Variants in FAAH2 observed in about 807,000 individuals in gnomAD.
FAAH2 encodes fatty-acid amide hydrolase 2.
FAAH2 carries 60 observed loss-of-function variants against 36.9 expected under a neutral mutation model. The observed-to-expected ratio is 1.63, with a 90% confidence interval of 1.32 to 2.02. The LOEUF is 2.02. Ranked by LOEUF, FAAH2 falls within the 30% of genes most tolerant of loss-of-function variation. The pLI is 0.00. For synonymous variants in FAAH2, 214 were observed against 143.8 expected (o/e 1.49, Z -3.49); for missense variants, 689 against 397.5 (o/e 1.73, Z -6.23).
At chrX:57,385,905 TAA>T (rs34589565) in intron 7 of FAAH2, among the ~76,000 whole-genome samples, 3 of 95,813 alleles carry the variant, frequency 3.1e-5, no homozygotes, top group Admixed American at 1.2e-4. Flanking sequence ...GAGACTCCGT[TAA>T]AAAAAAAAAA....
chrX:57,162,241 G>A, the FAAH2 span, among the ~76,000 whole-genome samples: 533 of 112,026 alleles, frequency 4.8e-3, 4 homozygotes, highest in Middle Eastern at 9.2e-3. Flanking sequence ...CTGTTAGTCT[G>A]ATGGGCTTCC....
chrX:57,263,688 C>A, the FAAH2 span, among the ~76,000 whole-genome samples: 28 of 111,705 alleles, frequency 2.5e-4, no homozygotes, highest in African/African-American at 9.1e-4. Context: ...TCTATCATCA[C>A]ATTATACAAT....
chrX:57,213,698 T>C, the FAAH2 span, among the ~76,000 whole-genome samples: 1 of 112,114 alleles, frequency 8.9e-6, no homozygotes, highest in Non-Finnish European at 1.9e-5. Context: ...AGATACTTGG[T>C]ATGATTTTGG....
At chrX:57,258,342 A>G in the FAAH2 span, among the ~76,000 whole-genome samples, 1 of 111,826 alleles carries the variant, frequency 8.9e-6, no homozygotes, top group South Asian at 3.7e-4. Context: ...TAAATCTTAG[A>G]GAAGAAAATA....
the FAAH2 span, among the ~76,000 whole-genome samples, chrX:57,148,025 C>T: frequency 9.0e-6 from 1 of 111,453 alleles, no homozygotes; most frequent in South Asian, 3.8e-4. Context: ...ATAGAATGTA[C>T]ATTCTGCAGC....
chrX:57,334,433 G>T (rs1022088878), intron 4 of FAAH2, among the ~76,000 whole-genome samples: 1 of 110,045 alleles, frequency 9.1e-6, no homozygotes, highest in African/African-American at 3.3e-5. Context: ...TTTGTTACCA[G>T]TAGAGCAACA....
chrX:57,219,486 G>A, the FAAH2 span, among the ~76,000 whole-genome samples: 1 of 111,850 alleles, frequency 8.9e-6, no homozygotes, highest in Admixed American at 9.4e-5. Flanking sequence ...CTACTGGTAA[G>A]TTTCCCCAGA....
At chrX:57,481,979 G>C (rs1485842746) in intron 10 of FAAH2, among the ~76,000 whole-genome samples, 1 of 111,705 alleles carries the variant, frequency 9.0e-6, no homozygotes, top group Non-Finnish European at 1.9e-5. Flanking sequence ...TAGGGATTCA[G>C]TCTGGCCACA....
the FAAH2 span, among the ~76,000 whole-genome samples, chrX:57,204,064 A>G: frequency 1.8e-5 from 2 of 111,178 alleles, no homozygotes; most frequent in Non-Finnish European, 3.8e-5. Flanking sequence ...CATGGCACAC[A>G]GACTGAGAGG....
intron 5 of FAAH2, among the ~76,000 whole-genome samples, chrX:57,368,117 C>T (rs758004837): frequency 9.0e-6 from 1 of 110,841 alleles, no homozygotes; most frequent in East Asian, 2.9e-4. Flanking sequence ...AGGAGGTCTT[C>T]CATCTACCCC....
the FAAH2 span, among the ~76,000 whole-genome samples, chrX:57,207,436 T>C: frequency 8.9e-6 from 1 of 112,112 alleles, no homozygotes. Flanking sequence ...TTCTTGTATC[T>C]ACCAAACCTT....
chrX:57,230,667 C>G, the FAAH2 span, among the ~76,000 whole-genome samples: 1 of 111,455 alleles, frequency 9.0e-6, no homozygotes, highest in African/African-American at 3.3e-5. Flanking sequence ...TAAACCCATC[C>G]ACTTAATTTT....
the FAAH2 span, among the ~76,000 whole-genome samples, chrX:57,138,432 A>G: frequency 1.8e-5 from 2 of 110,511 alleles, no homozygotes; most frequent in African/African-American, 6.6e-5. Context: ...ATATATATAT[A>G]TATATCACAT....
chrX:57,282,643 T>G (rs2051764899), upstream of FAAH2, among the ~76,000 whole-genome samples: 1 of 112,226 alleles, frequency 8.9e-6, no homozygotes, highest in South Asian at 3.7e-4. Context: ...GATCTTTATT[T>G]GTAGCTTAGT....
chrX:57,309,605 G>T (rs1348552542), intron 2 of FAAH2, among the ~76,000 whole-genome samples: 1 of 111,250 alleles, frequency 9.0e-6, no homozygotes, highest in Non-Finnish European at 1.9e-5. Context: ...TTTATCTGAT[G>T]CTCTTTCCAC....
the FAAH2 span, among the ~76,000 whole-genome samples, chrX:57,170,813 T>C: frequency 9.1e-6 from 1 of 110,333 alleles, no homozygotes; most frequent in East Asian, 2.8e-4. Context: ...TAAGCAATTC[T>C]CCTGCCTCAA....
chrX:57,396,927 G>A (rs1283081152), intron 7 of FAAH2, among the ~76,000 whole-genome samples: 1 of 111,610 alleles, frequency 9.0e-6, no homozygotes, highest in Non-Finnish European at 1.9e-5. Context: ...TATTGTCAGT[G>A]AGTTATTTAC....
intron 7 of FAAH2, among the ~76,000 whole-genome samples, chrX:57,392,174 C>CTT (rs1204202910): frequency 9.0e-6 from 1 of 111,306 alleles, no homozygotes; most frequent in Non-Finnish European, 1.9e-5. Context: ...TATCCTGAAA[C>CTT]TTTACCAAAA....
At chrX:57,222,214 C>T in the FAAH2 span, among the ~76,000 whole-genome samples, 2 of 110,932 alleles carry the variant, frequency 1.8e-5, no homozygotes, top group Admixed American at 1.9e-4. Flanking sequence ...CTCTGGGTTC[C>T]CTCCTTCGCT....
Sources: allele counts gnomAD v4.1 joint callset (sites outside exome capture counted in the v4.1 genomes callset), GRCh38; gene constraint gnomAD v4.1.1; transcripts MANE v1.5; gene names NCBI Gene and HGNC (gene_info 2026-07-23, HGNC 2026-07-21).